The following MARCHF1 variants were observed in gnomAD, a reference collection of about 807,000 sequenced individuals.
MARCHF1 encodes E3 ubiquitin-protein ligase MARCHF1.
Under a neutral mutation model 54.2 loss-of-function variants are expected in MARCHF1, and 40 were observed. The ratio of observed to expected loss-of-function variants is 0.74; its 90% CI spans 0.57 to 0.96. The LOEUF (loss-of-function observed/expected upper bound fraction) is 0.96, where lower values mean the gene tolerates loss of function less well. Ranked by LOEUF, MARCHF1 falls within the 40% of genes least tolerant of loss-of-function variation. The pLI is 0.00. For synonymous variants in MARCHF1, 236 were observed against 236.3 expected, an observed-to-expected ratio of 1.00 and a Z score of 0.01; for missense variants, 586 against 656.5, an observed-to-expected ratio of 0.89 and a Z score of 1.17.
chr4:164,263,222 G>GT (rs1440243109), intron 1 of MARCHF1, among the ~76,000 whole-genome samples: 16 of 152,052 alleles, frequency 1.1e-4, no homozygotes, highest in African/African-American at 3.9e-4. Context: ...AAAAATTAAG[G>GT]TAAAAAAGAC....
chr4:163,671,345 T>A (rs955171158), intron 5 of MARCHF1, among the ~76,000 whole-genome samples: 4 of 152,194 alleles, frequency 2.6e-5, no homozygotes, highest in Non-Finnish European at 5.9e-5. Flanking sequence ...TCTGTCTACT[T>A]CAAAAGCAGA....
intron 2 of MARCHF1, among the ~76,000 whole-genome samples, chr4:164,106,163 T>C (rs1362734395): frequency 6.8e-6 from 1 of 147,832 alleles, no homozygotes; most frequent in Non-Finnish European, 1.5e-5. Flanking sequence ...TTTACACTGT[T>C]GGTGGGAATG....
At chr4:164,139,375 T>C (rs1018653211) in intron 1 of MARCHF1, among the ~76,000 whole-genome samples, 1 of 152,136 alleles carries the variant, frequency 6.6e-6, no homozygotes. Flanking sequence ...ATTAAACCAG[T>C]CCTTTTCATG....
At chr4:164,242,847 C>A (rs1301550862) in intron 1 of MARCHF1, among the ~76,000 whole-genome samples, 1 of 150,814 alleles carries the variant, frequency 6.6e-6, no homozygotes, top group Non-Finnish European at 1.5e-5. Context: ...GCCTCAGGAG[C>A]CGATGCGATC....
chr4:163,998,261 A>G (rs932069732), intron 2 of MARCHF1, among the ~76,000 whole-genome samples: 2 of 151,500 alleles, frequency 1.3e-5, no homozygotes, highest in African/African-American at 4.8e-5. Flanking sequence ...CTCATACATT[A>G]GAGCATTGTA....
chr4:164,149,264 A>T (rs1280914473), intron 1 of MARCHF1, among the ~76,000 whole-genome samples: 1 of 152,192 alleles, frequency 6.6e-6, no homozygotes, highest in Non-Finnish European at 1.5e-5. Flanking sequence ...TGGGTTACTC[A>T]GTCAGTCATT....
At chr4:163,546,002 T>G (rs967791365) in intron 8 of MARCHF1, among the ~76,000 whole-genome samples, 7 of 151,714 alleles carry the variant, frequency 4.6e-5, no homozygotes, top group Non-Finnish European at 1.0e-4. Flanking sequence ...TGAGACAGGG[T>G]CTCACTCTGT....
intron 1 of MARCHF1, among the ~76,000 whole-genome samples, chr4:164,247,383 C>G (rs992092980): frequency 1.6e-4 from 24 of 150,702 alleles, no homozygotes; most frequent in African/African-American, 5.4e-4. Context: ...CGCATATTCT[C>G]ACTCATAGGT....
At chr4:163,582,644 T>C (rs1165357195) in intron 8 of MARCHF1, among the ~76,000 whole-genome samples, 4 of 152,316 alleles carry the variant, frequency 2.6e-5, no homozygotes, top group Admixed American at 6.5e-5. Flanking sequence ...TTCATGTGGG[T>C]TGTTCTTTAG....
At chr4:163,697,440 C>T (rs1398893974) in intron 5 of MARCHF1, among the ~76,000 whole-genome samples, 1 of 152,120 alleles carries the variant, frequency 6.6e-6, no homozygotes, top group East Asian at 1.9e-4. Flanking sequence ...CTGTTAGTTA[C>T]CCCGTTTCAC....
chr4:163,964,935 T>C (rs1222307033), intron 3 of MARCHF1, among the ~76,000 whole-genome samples: 1 of 152,038 alleles, frequency 6.6e-6, no homozygotes, highest in Non-Finnish European at 1.5e-5. Context: ...AAATAGTTGG[T>C]ATCTAACAAT....
intron 7 of MARCHF1, among the ~76,000 whole-genome samples, chr4:163,595,442 G>A (rs554652351): frequency 5.8e-5 from 8 of 137,022 alleles, no homozygotes; most frequent in Admixed American, 5.1e-4. Flanking sequence ...GCCTAAGCCC[G>A]AGAGATTGCA....
At chr4:163,842,467 C>G (rs1257936900) in intron 4 of MARCHF1, among the ~76,000 whole-genome samples, 1 of 151,960 alleles carries the variant, frequency 6.6e-6, no homozygotes, top group African/African-American at 2.4e-5. Flanking sequence ...TTAATGAAGT[C>G]AATATTTGTA....
At position 163,528,458 on chromosome 4, in the gene MARCHF1, CT is replaced by C. The variant is rs1356043840; in HGVS notation, c.*289del. ...CATGGGTCCATTTAATCTTTGATTACTGCCTAAAAGCATTCATTGCCCCAGT... is the reference window on the plus strand; with the variant it reads ...CATGGGTCCATTTAATCTTTGATTACGCCTAAAAGCATTCATTGCCCCAGT... On this transcript the variant is annotated 3_prime_UTR_variant, in exon 10 of 10. Coordinates refer to ENST00000514618, the MANE Select transcript of MARCHF1 (RefSeq NM_001394959.1). 3.0e-6 allele frequency: 1 copy of C among 328,522 alleles called. No homozygotes were observed. The highest frequency in any genetic ancestry group is 5.6e-6 in the Non-Finnish European group (1 of 178,954). 20.4% of individuals were successfully genotyped at this position (328,522 alleles called of 1,614,324 possible). A position where few individuals can be genotyped will look rare whatever the true frequency, so the allele number is the denominator to read the frequency against.
At chr4:164,306,652 TAAAC>T (rs953562387) in intron 1 of MARCHF1, among the ~76,000 whole-genome samples, 1 of 152,060 alleles carries the variant, frequency 6.6e-6, no homozygotes, top group Non-Finnish European at 1.5e-5. Flanking sequence ...AAAACTAAGA[TAAAC>T]AAACAAGATG....
intron 1 of MARCHF1, among the ~76,000 whole-genome samples, chr4:164,115,985 T>C (rs569033499): frequency 0.01 from 579 of 57,036 alleles, 7 homozygotes; most frequent in African/African-American, 0.022. Context: ...TACTTTAGAA[T>C]AGAGAAAAAC....
chr4:163,584,620 T>A (rs1740346160), intron 8 of MARCHF1: 1 of 152,242 alleles, frequency 6.6e-6, no homozygotes, highest in African/African-American at 2.4e-5. Flanking sequence ...TTTTGATAGC[T>A]ATAAACCATT....
chr4:163,620,598 CACACACACAGAGAGAGAGAG>C (rs1486795238), intron 5 of MARCHF1, among the ~76,000 whole-genome samples: 2,086 of 82,714 alleles, frequency 0.025, 35 homozygotes, highest in African/African-American at 0.098. Context: ...CACACACACA[CACACACACAGAGAGAGAGAG>C]AGAGAGAGAG....
At chr4:164,308,135 G>A (rs1347537447) in intron 1 of MARCHF1, among the ~76,000 whole-genome samples, 1 of 152,094 alleles carries the variant, frequency 6.6e-6, no homozygotes, top group Admixed American at 6.5e-5. Context: ...ATGAGATCAA[G>A]CATTCTTTCA....
Sources: allele counts gnomAD v4.1 joint callset (sites outside exome capture counted in the v4.1 genomes callset), GRCh38; gene constraint gnomAD v4.1.1; transcripts MANE v1.5; gene names NCBI Gene and HGNC (gene_info 2026-07-23, HGNC 2026-07-21).